Variants in LIN28B observed in about 807,000 individuals in gnomAD.
The protein encoded by LIN28B is lin-28 RNA binding posttranscriptional regulator B, also known as protein lin-28 homolog B.
LIN28B carries 5 observed loss-of-function variants against 21.9 expected under a neutral mutation model. That is an observed-to-expected ratio of 0.23 (90% CI 0.12 to 0.48). The LOEUF (loss-of-function observed/expected upper bound fraction) is 0.48, where lower values mean the gene tolerates loss of function less well. Ranked by LOEUF, LIN28B falls within the 20% of genes least tolerant of loss-of-function variation. LIN28B has a pLI of 0.98. For synonymous variants in LIN28B, 109 were observed against 111.3 expected (o/e 0.98, Z 0.13); for missense variants, 245 against 310.5 (o/e 0.79, Z 1.58).
intron 3 of LIN28B, among the ~76,000 whole-genome samples, chr6:105,040,531 A>G (rs1295239417): frequency 6.6e-6 from 1 of 151,994 alleles, no homozygotes; most frequent in Non-Finnish European, 1.5e-5. Flanking sequence ...GTATACTAGT[A>G]TATACCTGAT....
At chr6:105,077,262 T>C (rs998327756) in intron 3 of LIN28B, among the ~76,000 whole-genome samples, 24 of 152,112 alleles carry the variant, frequency 1.6e-4, no homozygotes, top group Non-Finnish European at 3.1e-4. Context: ...TCTTTGTGCT[T>C]CATAAATGAG....
At chr6:104,953,148 G>C (rs529601984), upstream of LIN28B, among the ~76,000 whole-genome samples, 126 of 152,330 alleles carry the variant, frequency 8.3e-4, no homozygotes, top group African/African-American at 2.9e-3. Flanking sequence ...TCTTGCCAGG[G>C]GCAGAGAGAG....
chr6:105,030,613 TGGA>T, intron 3 of LIN28B, among the ~76,000 whole-genome samples: 1 of 133,564 alleles, frequency 7.5e-6, no homozygotes, highest in Non-Finnish European at 1.6e-5. Context: ...TTTTTTTTTT[TGGA>T]GACAGAGTTT....
chr6:104,966,369 A>T (rs1206099284), intron 2 of LIN28B, among the ~76,000 whole-genome samples: 1 of 152,212 alleles, frequency 6.6e-6, no homozygotes, highest in Non-Finnish European at 1.5e-5. Flanking sequence ...ACATGAAAAT[A>T]ATTTAAAAAC....
intron 3 of LIN28B, among the ~76,000 whole-genome samples, chr6:105,060,580 G>C (rs1450481696): frequency 6.6e-6 from 1 of 152,236 alleles, no homozygotes. Flanking sequence ...TGGCATGAAG[G>C]CTAGAGATCA....
chr6:104,973,601 C>G (rs1770023171), intron 2 of LIN28B, among the ~76,000 whole-genome samples: 1 of 152,236 alleles, frequency 6.6e-6, no homozygotes, highest in African/African-American at 2.4e-5. Context: ...AAAGCAATCA[C>G]TCAGCAGAAA....
At chr6:105,038,841 A>G (rs1771576323) in intron 3 of LIN28B, among the ~76,000 whole-genome samples, 2 of 152,230 alleles carry the variant, frequency 1.3e-5, no homozygotes, top group Admixed American at 1.3e-4. Flanking sequence ...ACTGTGTGGC[A>G]TTACTAACCT....
intron 2 of LIN28B, among the ~76,000 whole-genome samples, chr6:104,945,246 T>C (rs1470437106): frequency 6.6e-6 from 1 of 152,128 alleles, no homozygotes; most frequent in Non-Finnish European, 1.5e-5. Flanking sequence ...TATTTTTATT[T>C]GCTATTACAT....
intron 2 of LIN28B, among the ~76,000 whole-genome samples, chr6:104,985,243 T>C (rs1297725483): frequency 6.6e-6 from 1 of 152,252 alleles, no homozygotes; most frequent in Non-Finnish European, 1.5e-5. Flanking sequence ...ATGAGCTTTA[T>C]GTGACACAGA....
At chr6:105,057,044 TCAGA>T (rs1054691668) in intron 3 of LIN28B, among the ~76,000 whole-genome samples, 1 of 152,240 alleles carries the variant, frequency 6.6e-6, no homozygotes. Flanking sequence ...TCTATCATAT[TCAGA>T]AGCCCACTGA....
At chr6:105,044,370 C>G (rs1442228682) in intron 3 of LIN28B, among the ~76,000 whole-genome samples, 1 of 152,026 alleles carries the variant, frequency 6.6e-6, no homozygotes, top group African/African-American at 2.4e-5. Flanking sequence ...AGGTAAATCT[C>G]CCTTTATTAC....
chr6:105,013,822 G>A (rs766991743), intron 2 of LIN28B, among the ~76,000 whole-genome samples: 6 of 151,892 alleles, frequency 4.0e-5, no homozygotes, highest in South Asian at 2.1e-4. Context: ...TCCTAGAGAT[G>A]ATCTACATTG....
At chr6:105,010,851 C>T (rs1770908003) in intron 2 of LIN28B, among the ~76,000 whole-genome samples, 1 of 152,188 alleles carries the variant, frequency 6.6e-6, no homozygotes, top group African/African-American at 2.4e-5. Context: ...TCCTTCATGT[C>T]CCTCTTTAGT....
At chr6:105,074,162 C>G (rs895526915) in intron 3 of LIN28B, among the ~76,000 whole-genome samples, 7 of 152,070 alleles carry the variant, frequency 4.6e-5, no homozygotes, top group Non-Finnish European at 8.8e-5. Context: ...ATCATAAGTG[C>G]CTCTATTCTA....
intron 2 of LIN28B, among the ~76,000 whole-genome samples, chr6:104,990,509 G>A (rs1770438653): frequency 6.6e-6 from 1 of 150,726 alleles, no homozygotes; most frequent in African/African-American, 2.4e-5. Context: ...TCTTGTAAAT[G>A]TCGTATATAT....
chr6:104,983,948 A>G (rs1770278696), intron 2 of LIN28B, among the ~76,000 whole-genome samples: 1 of 152,186 alleles, frequency 6.6e-6, no homozygotes, highest in African/African-American at 2.4e-5. Context: ...ACTTATTTTC[A>G]ATTTATGTAC....
chr6:104,940,599 G>A (rs1261737558), intron 2 of LIN28B: 1 of 150,798 alleles, frequency 6.6e-6, no homozygotes, highest in Non-Finnish European at 1.5e-5. Context: ...CCAATGACGC[G>A]GCCGGTAGCG....
intron 2 of LIN28B, among the ~76,000 whole-genome samples, chr6:105,002,099 C>G (rs991486508): frequency 3.3e-5 from 5 of 151,598 alleles, no homozygotes; most frequent in African/African-American, 9.7e-5. Flanking sequence ...CTGGAAAGAT[C>G]CCCCGGGGCT....
At chr6:104,984,171 G>T (rs1770284160) in intron 2 of LIN28B, among the ~76,000 whole-genome samples, 1 of 152,112 alleles carries the variant, frequency 6.6e-6, no homozygotes, top group African/African-American at 2.4e-5. Context: ...CTGAATAAGT[G>T]ATTTTAATTT....
Sources: allele counts gnomAD v4.1 joint callset (sites outside exome capture counted in the v4.1 genomes callset), GRCh38; gene constraint gnomAD v4.1.1; transcripts MANE v1.5; gene names NCBI Gene and HGNC (gene_info 2026-07-23, HGNC 2026-07-21).